The following RNF6 variants were observed in gnomAD, a reference collection of about 807,000 sequenced individuals.
RNF6 encodes E3 ubiquitin-protein ligase RNF6.
A neutral mutation model predicts 50.1 loss-of-function variants in RNF6; 21 were observed. That is an observed-to-expected ratio of 0.42 (90% confidence interval 0.30 to 0.60). The LOEUF is 0.60. Among genes scored for constraint, RNF6 ranks in the 20% least tolerant of loss-of-function variants. The pLI is 0.20. For missense variants in RNF6, 698 were observed against 838.2 expected (o/e 0.83, Z 2.07); for synonymous variants, 255 against 291.8 (o/e 0.87, Z 1.29).
Position 26,213,456 on chromosome 13 carries a change from C to A in RNF6, c.*368G>T. 1 of 160,818 alleles carries A rather than the reference C, an allele frequency of 6.2e-6. No individual in the cohort carries two copies. The highest frequency in any genetic ancestry group is 2.0e-4 in the South Asian group (1 of 5,080). The allele number at this position is 160,818 out of a possible 1,614,324, so 10.0% of individuals were successfully genotyped here. ...AGACACAAATGTCTAGATATAAGTA[C>A]TAAGCCTATGAAACTTGAAGCTAAA... is the stretch of plus-strand genomic sequence containing the variant. On this transcript the variant is annotated 3_prime_UTR_variant, in exon 5 of 5. Transcript: ENST00000381588.
chr13:26,149,412 C>A (rs1162166036), intron 5 of RNF6, among the ~76,000 whole-genome samples: 1 of 151,976 alleles, frequency 6.6e-6, no homozygotes, highest in Admixed American at 6.6e-5. Context: ...ACAGTGAAAC[C>A]CCATCTCTAC....
intron 5 of RNF6, among the ~76,000 whole-genome samples, chr13:26,196,272 T>G (rs573415259): frequency 1.3e-5 from 2 of 152,050 alleles, no homozygotes; most frequent in African/African-American, 4.8e-5. Flanking sequence ...ATAAAATCAT[T>G]AAAATGCTGA....
chr13:26,212,649 G>A (rs1332884419), downstream of RNF6: 2 of 151,302 alleles, frequency 1.3e-5, no homozygotes, highest in Admixed American at 1.3e-4. Flanking sequence ...CATGAAGCCA[G>A]GGACTTTTGT....
At chr13:26,187,804 G>C (rs1873627809) in intron 5 of RNF6, among the ~76,000 whole-genome samples, 1 of 152,158 alleles carries the variant, frequency 6.6e-6, no homozygotes, top group South Asian at 2.1e-4. Flanking sequence ...GCTCACTGCA[G>C]CCTTGAACTG....
At chr13:26,180,913 T>C (rs575849157) in intron 5 of RNF6, among the ~76,000 whole-genome samples, 1 of 152,344 alleles carries the variant, frequency 6.6e-6, no homozygotes, top group African/African-American at 2.4e-5. Flanking sequence ...GAGGCTAGTT[T>C]CCCCAACCCT....
chr13:26,160,520 A>G (rs1213369742), intron 5 of RNF6, among the ~76,000 whole-genome samples: 2 of 79,536 alleles, frequency 2.5e-5, no homozygotes, highest in Non-Finnish European at 5.1e-5. Flanking sequence ...CACTGCATCC[A>G]GCCTATCTTC....
At position 26,213,974 on chromosome 13, in the gene RNF6, A is replaced by C. The variant is rs374134054; in HGVS notation, c.1908T>G (p.Ile636Met). 1.9e-6 allele frequency: 3 copies of C among 1,614,122 alleles called. No homozygotes were observed. Among genetic ancestry groups the C allele is most frequent in the Non-Finnish European group, 2.5e-6 (3 of 1,180,048 alleles). The change falls in exon 5 of 5, where the codon ATT (isoleucine) becomes ATG (methionine). Residue 636 changes from isoleucine to methionine, a missense_variant. Ile to Met is a conservative substitution (Grantham distance 10). Transcript: ENST00000381588. The part of the protein sequence containing the change: ...SELGKICSVC[I>M]SDYVTGNKLR... The stretch of plus-strand genomic sequence containing the variant: ...GCTTGTTTCCAGTTACATAGTCACT[A>C]ATACAAACACTACAGATTTTACCTA...
intron 5 of RNF6, among the ~76,000 whole-genome samples, chr13:26,134,972 A>G (rs1194096030): frequency 6.6e-6 from 1 of 152,236 alleles, no homozygotes; most frequent in Non-Finnish European, 1.5e-5. Flanking sequence ...TAACAAAAAA[A>G]GATTGGTAAA....
At chr13:26,209,791 A>G (rs1484346799), downstream of RNF6, among the ~76,000 whole-genome samples, 1 of 152,084 alleles carries the variant, frequency 6.6e-6, no homozygotes, top group East Asian at 1.9e-4. Context: ...TGTGAGATAT[A>G]TATATATATA....
chr13:26,179,308 TAGAC>T (rs1357777590), intron 5 of RNF6, among the ~76,000 whole-genome samples: 1 of 152,168 alleles, frequency 6.6e-6, no homozygotes, highest in African/African-American at 2.4e-5. Flanking sequence ...TACCCACAGA[TAGAC>T]AGCAAGAATC....
chr13:26,205,520 CCT>C (rs1290187354), intron 5 of RNF6, among the ~76,000 whole-genome samples: 1 of 152,138 alleles, frequency 6.6e-6, no homozygotes, highest in Non-Finnish European at 1.5e-5. Context: ...GGTAATTGTT[CCT>C]CTCTCAGCAT....
rs1394359675 is a variant in RNF6, at chr13:26,191,650, G to A, written n.768+23824C>T. 6.6e-5 allele frequency among the ~76,000 whole-genome samples: 10 copies of A among 152,300 alleles called. No homozygotes were observed. In the East Asian group the frequency reaches 1.2e-3, roughly 18 times the overall value. Reference sequence around the variant, plus strand: ...TCTCCCGCTGCCTTGTGAAGAAGGCGCTTGCTTCCCTGTCACTTTCCACCA... The same window carrying A: ...TCTCCCGCTGCCTTGTGAAGAAGGCACTTGCTTCCCTGTCACTTTCCACCA... On this transcript the variant is annotated intron_variant and non_coding_transcript_variant, in intron 5 of 5. Coordinates refer to the RNF6 transcript ENST00000468480.
chr13:26,206,223 T>C (rs948974785), intron 5 of RNF6, among the ~76,000 whole-genome samples: 2 of 129,652 alleles, frequency 1.5e-5, no homozygotes, highest in Admixed American at 7.6e-5. Context: ...TCCCTGCTGG[T>C]TGGGGAGGGG....
chr13:26,133,458 G>A (rs916748826), intron 5 of RNF6, among the ~76,000 whole-genome samples: 1 of 152,162 alleles, frequency 6.6e-6, no homozygotes, highest in Non-Finnish European at 1.5e-5. Context: ...GTGACATGAA[G>A]GTTAGCTGTT....
chr13:26,159,590 A>C (rs1022835598), intron 5 of RNF6, among the ~76,000 whole-genome samples: 4 of 152,052 alleles, frequency 2.6e-5, no homozygotes, highest in Non-Finnish European at 2.9e-5. Context: ...ACGCTACTGC[A>C]CTCCAGCCTG....
chr13:26,174,311 G>T (rs572119787), intron 5 of RNF6, among the ~76,000 whole-genome samples: 20 of 152,060 alleles, frequency 1.3e-4, no homozygotes. Flanking sequence ...GCTGGAGTTC[G>T]GTTATTGTAA....
chr13:26,141,374 G>C (rs1870938865), intron 5 of RNF6, among the ~76,000 whole-genome samples: 1 of 149,948 alleles, frequency 6.7e-6, no homozygotes, highest in Admixed American at 6.7e-5. Context: ...ATTGCAGTGA[G>C]CAGAGGTTGT....
At chr13:26,162,008 G>A (rs1011804179) in intron 5 of RNF6, among the ~76,000 whole-genome samples, 4 of 152,112 alleles carry the variant, frequency 2.6e-5, no homozygotes. Flanking sequence ...TAGGCTATAT[G>A]TATTATTTAT....
At chr13:26,188,623 C>CTTTTTT (rs1163881143) in intron 5 of RNF6, among the ~76,000 whole-genome samples, 940 of 43,282 alleles carry the variant, frequency 0.022, 259 homozygotes, top group Non-Finnish European at 0.026. Flanking sequence ...GTCAAAAGAG[C>CTTTTTT]TTTTTTTTTT....
Sources: gnomAD v4.1 joint callset for allele counts (sites outside exome capture counted in the v4.1 genomes callset) on GRCh38, gnomAD v4.1.1 for gene constraint, MANE v1.5 for transcripts, NCBI Gene and HGNC (gene_info 2026-07-23, HGNC 2026-07-21) for gene names.